USP34: variants seen among roughly 807,000 people sequenced by gnomAD.
USP34 encodes ubiquitin specific peptidase 34.
USP34 carries 70 observed loss-of-function variants against 460.3 expected under a neutral mutation model. The ratio of observed to expected loss-of-function variants is 0.15; its 90% CI spans 0.13 to 0.19. The LOEUF (loss-of-function observed/expected upper bound fraction) is 0.19. Among genes scored for constraint, USP34 ranks in the 10% least tolerant of loss-of-function variants. The pLI is 1.00. For missense variants in USP34, 3,985 were observed against 4,236.2 expected, an observed-to-expected ratio of 0.94 and a Z score of 1.65; for synonymous variants, 1,647 against 1,405.3, an observed-to-expected ratio of 1.17 and a Z score of -3.85.
chr2:61,382,621 GA>G (rs915831891), intron 6 of USP34, among the ~76,000 whole-genome samples: 7 of 151,866 alleles, frequency 4.6e-5, no homozygotes, highest in African/African-American at 1.7e-4. Context: ...TTGCAAATGA[GA>G]AAAAAAGTAC....
intron 27 of USP34, among the ~76,000 whole-genome samples, chr2:61,306,609 T>C (rs1690412877): frequency 6.6e-6 from 1 of 152,308 alleles, no homozygotes; most frequent in African/African-American, 2.4e-5. Context: ...AAGAAAGTCA[T>C]TGGTAGCTTG....
Position 61,438,314 on chromosome 2 carries a change from T to TA in USP34, c.44-17482dup, listed in dbSNP as rs946917593. Among the ~76,000 whole-genome samples, 193 of 148,910 alleles carry TA rather than the reference T, an allele frequency of 1.3e-3. 1 individual carries two copies. Among genetic ancestry groups the TA allele is most frequent in the African/African-American group, 3.9e-3 (160 of 40,804 alleles). ...ATAAAATTCAACATCCATTCGTGAT[T>TA]AAAAAAAAAACTCTAGGCCAGGCGT... On this transcript the variant is annotated intron_variant, in intron 1 of 79. Coordinates refer to ENST00000398571, the MANE Select transcript of USP34 (RefSeq NM_014709.4).
chr2:61,278,420 G>A lies in USP34; in HGVS notation c.5280C>T (p.Ala1760=), dbSNP rs2103950749. The A allele has an allele frequency of 6.3e-7, 1 of 1,598,436 alleles. No individual in the cohort carries two copies. The highest frequency in any genetic ancestry group is 1.4e-5 in the African/African-American group (1 of 74,050). Residue 1760 remains alanine, a synonymous_variant, in exon 40 of 80, where the codon GCC becomes GCT. Transcript: ENST00000398571. ...ASQTTLLDLD[A]LARHLADCIR... ...TACAGTCAGCCAAATGTCTTGCCAA[G>A]GCATCTAAGTCGAGGAGCGTTGTCT... is the stretch of plus-strand genomic sequence containing the variant.
intron 64 of USP34, 189 bp from the exon 65 acceptor site, chr2:61,222,852 C>A: frequency 1.5e-6 from 1 of 681,174 alleles, no homozygotes; most frequent in South Asian, 2.0e-5. Context: ...TGTGCCACTA[C>A]ACCCGGCTAG....
chr2:61,281,832 T>C (rs1689543961), intron 37 of USP34, among the ~76,000 whole-genome samples: 1 of 152,084 alleles, frequency 6.6e-6, no homozygotes, highest in Non-Finnish European at 1.5e-5. Flanking sequence ...TATTTACAAG[T>C]CAGTAAGAGG....
At chr2:61,392,843 CCA>C (rs981621083) in intron 5 of USP34, among the ~76,000 whole-genome samples, 6 of 152,244 alleles carry the variant, frequency 3.9e-5, no homozygotes, top group South Asian at 2.1e-4. Context: ...TCCAAAATTA[CCA>C]CAGTGTGAAA....
chr2:61,219,272 C>T (rs1404810332), intron 67 of USP34, among the ~76,000 whole-genome samples: 1 of 152,188 alleles, frequency 6.6e-6, no homozygotes, highest in African/African-American at 2.4e-5. Flanking sequence ...CTTTCTGACA[C>T]TATAGGATAT....
chr2:61,429,275 G>A (rs183055964), intron 1 of USP34, among the ~76,000 whole-genome samples: 22 of 152,026 alleles, frequency 1.4e-4, no homozygotes, highest in African/African-American at 4.8e-4. Context: ...GTGAAACCCC[G>A]TCTCTACTAA....
intron 33 of USP34, among the ~76,000 whole-genome samples, chr2:61,291,433 A>G (rs1031312913): frequency 1.3e-5 from 2 of 152,182 alleles, no homozygotes; most frequent in African/African-American, 2.4e-5. Flanking sequence ...ACTGCACTCT[A>G]TACCCAAGGC....
intron 2 of USP34, among the ~76,000 whole-genome samples, chr2:61,413,902 T>C (rs1399348931): frequency 6.7e-6 from 1 of 148,362 alleles, no homozygotes; most frequent in Admixed American, 6.9e-5. Context: ...TTGCACTCCA[T>C]CCTGGCGATA....
chr2:61,245,631 A>T (rs1164605435), intron 50 of USP34, among the ~76,000 whole-genome samples: 3 of 152,102 alleles, frequency 2.0e-5, no homozygotes, highest in African/African-American at 7.2e-5. Context: ...ATTTATGATC[A>T]AAAAAAGATT....
At chr2:61,400,167 C>T (rs1274993154) in intron 3 of USP34, among the ~76,000 whole-genome samples, 7 of 150,022 alleles carry the variant, frequency 4.7e-5, no homozygotes, top group African/African-American at 1.5e-4. Context: ...TGGAGTGCAG[C>T]GGCACCATCC....
chr2:61,416,257 A>G (rs1490444124), intron 2 of USP34, among the ~76,000 whole-genome samples: 1 of 152,264 alleles, frequency 6.6e-6, no homozygotes, highest in African/African-American at 2.4e-5. Context: ...AACCTATTTA[A>G]AAGCAACGGC....
intron 34 of USP34, among the ~76,000 whole-genome samples, chr2:61,288,396 C>T (rs549502493): frequency 2.6e-5 from 4 of 152,316 alleles, no homozygotes; most frequent in Non-Finnish European, 5.9e-5. Flanking sequence ...ACTATGGCTT[C>T]TGTTTTCATA....
chr2:61,322,595 G>A (rs1294435674), intron 21 of USP34, among the ~76,000 whole-genome samples: 3 of 152,114 alleles, frequency 2.0e-5, no homozygotes, highest in African/African-American at 7.2e-5. Context: ...TGATGGTATG[G>A]TACCATCAAA....
At chr2:61,401,185 T>G (rs1314135950) in intron 3 of USP34, among the ~76,000 whole-genome samples, 1 of 150,978 alleles carries the variant, frequency 6.6e-6, no homozygotes, top group African/African-American at 2.4e-5. Context: ...AAATAAAACC[T>G]TCATGTATAT....
chr2:61,234,090 G>T (rs949985152), intron 57 of USP34, among the ~76,000 whole-genome samples: 1 of 152,132 alleles, frequency 6.6e-6, no homozygotes, highest in African/African-American at 2.4e-5. Flanking sequence ...ACAGGTATGT[G>T]ACAGCTTATT....
intron 5 of USP34, among the ~76,000 whole-genome samples, chr2:61,387,849 A>G (rs1693209992): frequency 6.7e-6 from 1 of 150,006 alleles, no homozygotes; most frequent in Admixed American, 6.7e-5. Context: ...GTATACACAC[A>G]TGTAAAAATA....
At chr2:61,378,035 T>C (rs1037783513) in intron 8 of USP34, among the ~76,000 whole-genome samples, 3 of 152,158 alleles carry the variant, frequency 2.0e-5, no homozygotes, top group African/African-American at 4.8e-5. Context: ...TAGCCAGGCA[T>C]GCTGGCATGC....
Sources: gnomAD v4.1 joint callset for allele counts (sites outside exome capture counted in the v4.1 genomes callset) on GRCh38, gnomAD v4.1.1 for gene constraint, MANE v1.5 for transcripts, NCBI Gene and HGNC (gene_info 2026-07-23, HGNC 2026-07-21) for gene names.